CSNK1G1: variants seen among roughly 807,000 people sequenced by gnomAD.
The protein encoded by CSNK1G1 is casein kinase I isoform gamma-1.
CSNK1G1 carries 22 observed loss-of-function variants against 59.6 expected under a neutral mutation model. The ratio of observed to expected loss-of-function variants is 0.37; its 90% CI spans 0.26 to 0.53. The LOEUF is 0.53. Among genes scored for constraint, CSNK1G1 ranks in the 20% least tolerant of loss-of-function variants. The pLI is 0.89. For missense variants in CSNK1G1, 384 were observed against 519.5 expected (o/e 0.74, Z 2.54); for synonymous variants, 179 against 177.1 (o/e 1.01, Z -0.08).
chr15:64,222,813 G>A (rs2082408415), intron 4 of CSNK1G1, among the ~76,000 whole-genome samples: 1 of 152,104 alleles, frequency 6.6e-6, no homozygotes, highest in African/African-American at 2.4e-5. Context: ...TATATCTAGA[G>A]AGTAGAAATA....
At chr15:64,225,042 T>C (rs1397932011) in intron 4 of CSNK1G1, among the ~76,000 whole-genome samples, 1 of 144,382 alleles carries the variant, frequency 6.9e-6, no homozygotes, top group Non-Finnish European at 1.5e-5. Flanking sequence ...AGAGTCTTGC[T>C]CTGTTGCCCA....
chr15:64,303,979 T>C (rs549799001), intron 1 of CSNK1G1, among the ~76,000 whole-genome samples: 2 of 151,630 alleles, frequency 1.3e-5, no homozygotes, highest in South Asian at 4.2e-4. Flanking sequence ...TAACACCTAC[T>C]TGTAGAACAG....
intron 11 of CSNK1G1, among the ~76,000 whole-genome samples, chr15:64,173,193 T>C (rs1161530341): frequency 1.3e-5 from 2 of 152,240 alleles, no homozygotes; most frequent in African/African-American, 2.4e-5. Flanking sequence ...TTACTTCCCA[T>C]ACCCCTAGGT....
At chr15:64,325,449 C>T (rs1896788703) in intron 1 of CSNK1G1, among the ~76,000 whole-genome samples, 1 of 152,134 alleles carries the variant, frequency 6.6e-6, no homozygotes, top group Non-Finnish European at 1.5e-5. Context: ...GTTAGTACTG[C>T]CTTATTCTCA....
rs781647653 is a variant in CSNK1G1, at chr15:64,204,513, G to T, written c.927C>A (p.Thr309=). ...FEKPDYEYLR[T]LFTDLFEKKG... ...TCTTTTCAAAGAGGTCTGTGAAGAG[G>T]GTCCGTAAATACTCATAATCAGGTT... Residue 309 remains threonine, a synonymous_variant, in exon 9 of 12, where the codon ACC becomes ACA. Transcript: ENST00000303052. The T allele has an allele frequency of 6.2e-7, 1 of 1,613,740 alleles. No individual in the cohort carries two copies. The highest frequency in any genetic ancestry group is 8.5e-7 in the Non-Finnish European group (1 of 1,179,792).
At position 64,216,004 on chromosome 15, in the gene CSNK1G1, G is replaced by T. The variant is rs1596106983; in HGVS notation, c.444+558C>A. Reference sequence around the variant, plus strand: ...CTAGCACATTGGGAGGCCGAGGTGGGAGGACTGCTTGAGACCAGTTTAGAC... The same window carrying T: ...CTAGCACATTGGGAGGCCGAGGTGGTAGGACTGCTTGAGACCAGTTTAGAC... On this transcript the variant is annotated intron_variant, in intron 5 of 11. Transcript: ENST00000303052. The surrounding 1 kb of genome is among the most constrained non-coding windows in gnomAD (Gnocchi z 4.6). Among the ~76,000 whole-genome samples, 1 of 152,252 alleles carries T rather than the reference G, an allele frequency of 6.6e-6. No homozygotes were observed. The highest frequency in any genetic ancestry group is 2.4e-5 in the African/African-American group (1 of 41,564).
At chr15:64,241,101 C>T (rs2082687669) in intron 4 of CSNK1G1, among the ~76,000 whole-genome samples, 1 of 151,940 alleles carries the variant, frequency 6.6e-6, no homozygotes, top group South Asian at 2.1e-4. Context: ...AAAACGATGA[C>T]CCAACTATAT....
At chr15:64,273,712 T>G (rs1338163886) in intron 2 of CSNK1G1, among the ~76,000 whole-genome samples, 1 of 133,092 alleles carries the variant, frequency 7.5e-6, no homozygotes, top group Non-Finnish European at 1.6e-5. Context: ...ACATGAACAC[T>G]AACAAAAGCT....
chr15:64,235,844 C>T (rs1363113432), intron 4 of CSNK1G1, among the ~76,000 whole-genome samples: 2 of 151,946 alleles, frequency 1.3e-5, no homozygotes, highest in African/African-American at 4.8e-5. Context: ...TAAATACTTA[C>T]TATGTACAAG....
At chr15:64,280,502 C>T (rs12911488) in intron 2 of CSNK1G1, among the ~76,000 whole-genome samples, 5 of 151,566 alleles carry the variant, frequency 3.3e-5, no homozygotes, top group Admixed American at 6.6e-5. Flanking sequence ...TGGGTTCAAG[C>T]GGTTCTATAA....
At chr15:64,310,160 T>C (rs1895914262) in intron 1 of CSNK1G1, among the ~76,000 whole-genome samples, 1 of 152,080 alleles carries the variant, frequency 6.6e-6, no homozygotes, top group Non-Finnish European at 1.5e-5. Context: ...ACTCTAAGTA[T>C]TCTTATCTGG....
At chr15:64,261,969 A>C (rs1219475040) in intron 2 of CSNK1G1, among the ~76,000 whole-genome samples, 1 of 151,130 alleles carries the variant, frequency 6.6e-6, no homozygotes, top group Non-Finnish European at 1.5e-5. Flanking sequence ...AGCCATTAAT[A>C]CCATTTTTCC....
At chr15:64,270,714 C>A (rs1019879301) in intron 2 of CSNK1G1, among the ~76,000 whole-genome samples, 1 of 149,300 alleles carries the variant, frequency 6.7e-6, no homozygotes, top group Admixed American at 6.7e-5. Flanking sequence ...GAGCAGAGAT[C>A]GTGCCACTGC....
intron 1 of CSNK1G1, among the ~76,000 whole-genome samples, chr15:64,306,762 T>C (rs934007564): frequency 8.6e-5 from 13 of 152,030 alleles, no homozygotes; most frequent in Admixed American, 8.5e-4. Flanking sequence ...AATAAACAAA[T>C]TTGTGGTATA....
chr15:64,245,825 C>T (rs1891721811), intron 4 of CSNK1G1, among the ~76,000 whole-genome samples: 1 of 151,572 alleles, frequency 6.6e-6, no homozygotes, highest in African/African-American at 2.4e-5. Context: ...GAACTGGAGG[C>T]CTTTATAATA....
chr15:64,314,263 T>C (rs748784513), intron 1 of CSNK1G1, among the ~76,000 whole-genome samples: 1 of 152,242 alleles, frequency 6.6e-6, no homozygotes, highest in South Asian at 2.1e-4. Context: ...ATTACAGGCA[T>C]GTGTCACCAT....
intron 10 of CSNK1G1, chr15:64,189,530 T>G: frequency 8.8e-7 from 1 of 1,139,620 alleles, no homozygotes; most frequent in Non-Finnish European, 1.1e-6. Flanking sequence ...GAGGGATTAG[T>G]AAATCAAATT....
intron 2 of CSNK1G1, among the ~76,000 whole-genome samples, chr15:64,296,209 C>T (rs1338616750): frequency 6.6e-6 from 1 of 152,204 alleles, no homozygotes; most frequent in Non-Finnish European, 1.5e-5. Flanking sequence ...TAGCATCAGG[C>T]TCCCAGGCTC....
At chr15:64,326,406 G>A (rs907797357) in intron 1 of CSNK1G1, among the ~76,000 whole-genome samples, 4 of 152,128 alleles carry the variant, frequency 2.6e-5, no homozygotes, top group Non-Finnish European at 5.9e-5. Flanking sequence ...CACTTTGAGA[G>A]GCCGAGGTGC....
Sources: allele counts gnomAD v4.1 joint callset (sites outside exome capture counted in the v4.1 genomes callset), GRCh38; gene constraint gnomAD v4.1.1; non-coding constraint Gnocchi (gnomAD v3.1); transcripts MANE v1.5; gene names NCBI Gene and HGNC (gene_info 2026-07-23, HGNC 2026-07-21).